FBXL17: variants seen among roughly 807,000 people sequenced by gnomAD.
The protein encoded by FBXL17 is F-box and leucine rich repeat protein 17, also known as F-box/LRR-repeat protein 17.
FBXL17 carries 22 observed loss-of-function variants against 66.2 expected under a neutral mutation model. The observed-to-expected ratio is 0.33, with a 90% confidence interval of 0.24 to 0.47. The LOEUF is 0.47. FBXL17 is among the 20% of genes least tolerant of loss of function. The probability of loss-of-function intolerance (pLI) is 1.00; values close to 1 mark genes in which losing one functional copy is unlikely to be tolerated. For missense variants in FBXL17, 878 were observed against 948.2 expected (o/e 0.93, Z 0.97); for synonymous variants, 474 against 400.5 (o/e 1.18, Z -2.19).
At chr5:108,299,557 T>C (rs768641591) in intron 4 of FBXL17, 2 of 966,440 alleles carry the variant, frequency 2.1e-6, no homozygotes, top group Non-Finnish European at 2.5e-6. Context: ...GATAAAGATA[T>C]ATTTTTCCAG....
At chr5:107,964,024 A>C (rs1429410062) in intron 7 of FBXL17, among the ~76,000 whole-genome samples, 1 of 152,098 alleles carries the variant, frequency 6.6e-6, no homozygotes, top group Non-Finnish European at 1.5e-5. Flanking sequence ...TGTCCAAACA[A>C]AGTTTGAGAA....
chr5:107,922,868 C>T (rs930413906), intron 7 of FBXL17, among the ~76,000 whole-genome samples: 1 of 152,182 alleles, frequency 6.6e-6, no homozygotes, highest in African/African-American at 2.4e-5. Flanking sequence ...AGCTCAGAGA[C>T]CTCTCAACTT....
At chr5:107,973,053 A>G (rs1215026329) in intron 7 of FBXL17, among the ~76,000 whole-genome samples, 1 of 152,140 alleles carries the variant, frequency 6.6e-6, no homozygotes, top group Non-Finnish European at 1.5e-5. Flanking sequence ...CTCTATGGAC[A>G]ATGTTCAAAG....
At position 108,111,958 on chromosome 5, in the gene FBXL17, A is replaced by T. The variant is rs538215120; in HGVS notation, c.1745+74159T>A. On this transcript the variant is annotated intron_variant, in intron 6 of 8. Coordinates refer to ENST00000542267, the MANE Select transcript of FBXL17 (RefSeq NM_001163315.3). ...TGCTGCATAATAATATCTGAGAGAA[A>T]GGAGACAAATGAGGACAGCCATATA... 8.5e-5 allele frequency among the ~76,000 whole-genome samples: 13 copies of T among 152,326 alleles called. No homozygotes were observed. In the East Asian group the frequency reaches 2.3e-3, roughly 27 times the overall value.
At chr5:108,217,745 T>A (rs188541459) in intron 5 of FBXL17, among the ~76,000 whole-genome samples, 2 of 152,244 alleles carry the variant, frequency 1.3e-5, no homozygotes, top group Non-Finnish European at 1.5e-5. Flanking sequence ...CTAACTGAAA[T>A]TTTGTATTCT....
At chr5:108,178,221 A>T (rs1012477502) in intron 6 of FBXL17, among the ~76,000 whole-genome samples, 9 of 151,708 alleles carry the variant, frequency 5.9e-5, no homozygotes, top group Admixed American at 2.6e-4. Flanking sequence ...TTTTTTAAAA[A>T]TTTTTTTATA....
At chr5:108,314,632 G>T (rs187173251) in intron 4 of FBXL17, among the ~76,000 whole-genome samples, 88 of 150,566 alleles carry the variant, frequency 5.8e-4, no homozygotes, top group African/African-American at 2.0e-3. Context: ...TAGAAATTAG[G>T]CCAAAAAAAT....
At chr5:108,303,445 C>A (rs1479362596) in intron 4 of FBXL17, among the ~76,000 whole-genome samples, 2 of 151,416 alleles carry the variant, frequency 1.3e-5, no homozygotes, top group African/African-American at 2.4e-5. Context: ...ATATGTTGGT[C>A]TTCCAATTTA....
At chr5:107,879,359 C>T (rs1580675213) in intron 8 of FBXL17, 1 of 985,352 alleles carries the variant, frequency 1.0e-6, no homozygotes, top group South Asian at 4.7e-5. Context: ...TATGGTGGAC[C>T]CTTTAACTTG....
At chr5:107,959,539 G>A (rs539872186) in intron 7 of FBXL17, among the ~76,000 whole-genome samples, 10 of 151,852 alleles carry the variant, frequency 6.6e-5, no homozygotes, top group Admixed American at 2.6e-4. Context: ...CAAACTCACC[G>A]GTTTATTTGC....
chr5:108,297,421 T>C (rs1758393195), intron 4 of FBXL17, among the ~76,000 whole-genome samples: 2 of 151,728 alleles, frequency 1.3e-5, no homozygotes, highest in African/African-American at 4.8e-5. Flanking sequence ...TACTTCAGGT[T>C]GACCAAGAGA....
At chr5:108,347,597 A>T (rs1747366639) in intron 4 of FBXL17, among the ~76,000 whole-genome samples, 1 of 152,214 alleles carries the variant, frequency 6.6e-6, no homozygotes. Flanking sequence ...GTATCACGTG[A>T]TTCCATTTAT....
In FBXL17 at chr5:108,303,257, A is replaced by G. The variant is rs572910992; in HGVS notation, c.1506+45142T>C. Among the ~76,000 whole-genome samples, 123 of 151,838 alleles carry G rather than the reference A, an allele frequency of 8.1e-4. 1 individual carries two copies. Among genetic ancestry groups the G allele is most frequent in the Non-Finnish European group, 1.4e-3 (97 of 67,830 alleles). ...ACGAAAAACAGGCTGTAAAATGCAT[A>G]TATTACCACCACAAATGTTAACTTA... On this transcript the variant is annotated intron_variant, in intron 4 of 8. Transcript: ENST00000542267.
At chr5:108,115,227 T>A (rs1256071677) in intron 6 of FBXL17, among the ~76,000 whole-genome samples, 1 of 152,096 alleles carries the variant, frequency 6.6e-6, no homozygotes, top group Non-Finnish European at 1.5e-5. Flanking sequence ...AAAATCAGAA[T>A]GTTCAAACTA....
At chr5:108,209,256 A>G (rs1293293870) in intron 5 of FBXL17, among the ~76,000 whole-genome samples, 2 of 152,162 alleles carry the variant, frequency 1.3e-5, no homozygotes, top group Non-Finnish European at 2.9e-5. Flanking sequence ...GTCATCTTCA[A>G]AAAGAGACAA....
chr5:108,181,480 G>C (rs1753000641), intron 6 of FBXL17, among the ~76,000 whole-genome samples: 1 of 152,146 alleles, frequency 6.6e-6, no homozygotes, highest in South Asian at 2.1e-4. Context: ...GCATGTCTTA[G>C]TCACAGAGAT....
At chr5:107,875,894 T>C (rs1205433247) in intron 8 of FBXL17, among the ~76,000 whole-genome samples, 1 of 152,224 alleles carries the variant, frequency 6.6e-6, no homozygotes, top group Non-Finnish European at 1.5e-5. Flanking sequence ...GGATAATCAA[T>C]AGGCTCACAC....
chr5:108,301,508 T>G (rs1369623571), intron 4 of FBXL17, among the ~76,000 whole-genome samples: 6 of 151,806 alleles, frequency 4.0e-5, no homozygotes, highest in Non-Finnish European at 2.9e-5. Context: ...GGAAAAAAAG[T>G]AAATATTATG....
chr5:108,213,310 C>G (rs1208430633), intron 5 of FBXL17, among the ~76,000 whole-genome samples: 2 of 152,158 alleles, frequency 1.3e-5, no homozygotes, highest in African/African-American at 4.8e-5. Flanking sequence ...ATGGTTCTGT[C>G]TTGCTGGTGT....
Sources: allele counts gnomAD v4.1 joint callset (sites outside exome capture counted in the v4.1 genomes callset), GRCh38; gene constraint gnomAD v4.1.1; transcripts MANE v1.5; gene names NCBI Gene and HGNC (gene_info 2026-07-23, HGNC 2026-07-21).